MYOM2: variants seen among roughly 807,000 people sequenced by gnomAD.
The protein encoded by MYOM2 is myomesin-2.
In MYOM2, 254 loss-of-function variants were observed where a neutral mutation model predicts 187.6. That is an observed-to-expected ratio of 1.35 (90% CI 1.22 to 1.50). The LOEUF is 1.50. MYOM2 is among the 40% of genes most tolerant of loss of function. The pLI is 0.00. For synonymous variants in MYOM2, 981 were observed against 753.8 expected, an observed-to-expected ratio of 1.30 and a Z score of -4.94; for missense variants, 2,796 against 1,924.0, an observed-to-expected ratio of 1.45 and a Z score of -8.48.
Position 2,129,205 on chromosome 8 carries a change from A to G in MYOM2, c.3773A>G (p.Asp1258Gly). The change falls in exon 32 of 37, where the codon GAC becomes GGC. Residue 1258 changes from aspartate (D) to glycine (G), a missense_variant. By Grantham distance (94) the Asp-to-Gly change is moderately conservative. Transcript: ENST00000262113. ...CAGTGTTTCATGAAGTATTTTACAGACGAAATGAAAGTGAACTGGTGTCAC... is the reference window on the plus strand; with the variant it reads ...CAGTGTTTCATGAAGTATTTTACAGGCGAAATGAAAGTGAACTGGTGTCAC... Reference protein sequence around the residue: ...RLQCFMKYFTDEMKVNWCHKD... With the variant: ...RLQCFMKYFTGEMKVNWCHKD... 1 of 1,610,978 alleles carries G rather than the reference A, an allele frequency of 6.2e-7. No homozygotes were observed.
chr8:2,112,904 A>C (rs1797114267), intron 25 of MYOM2, among the ~76,000 whole-genome samples: 1 of 152,180 alleles, frequency 6.6e-6, no homozygotes, highest in Admixed American at 6.5e-5. Context: ...GGGCTGACGG[A>C]GTCTTCTCCC....
Position 2,085,269 on chromosome 8 carries a change from C to A in MYOM2, c.1523C>A (p.Ala508Asp), listed in dbSNP as rs1420260867. Residue 508 changes from alanine to aspartate, a missense_variant, in exon 14 of 37, where the codon GCC becomes GAC. Physicochemically the swap from Ala to Asp is moderately radical, Grantham distance 126 (BLOSUM62 -2). Coordinates refer to ENST00000262113, the MANE Select transcript of MYOM2 (RefSeq NM_003970.4). ...GAATTTATTATTCCTCCAGGTGACG[C>A]CCAGGTTCCAGGGCCTCCCACCGGT... ...AIYQDDLEGD[A>D]QVPGPPTGVH... is the part of the protein sequence containing the mutation. 1.2e-6 allele frequency: 2 copies of A among 1,613,924 alleles called. No individual in the cohort carries two copies. The highest frequency in any genetic ancestry group is 1.3e-5 in the African/African-American group (1 of 74,922).
chr8:2,138,771 C>T lies in MYOM2; in HGVS notation c.3801-1952C>T, dbSNP rs563070359. 9.9e-5 allele frequency among the ~76,000 whole-genome samples: 15 copies of T among 152,280 alleles called. No individual in the cohort carries two copies. In the South Asian group the frequency reaches 2.9e-3, roughly 29 times the overall value. On this transcript the variant is annotated intron_variant, in intron 32 of 36. Transcript: ENST00000262113. ...CTTCTTGGATTCTAAAACAACCGCA[C>T]ATGGGCAGTGTTAGATCCTCCCTTC...
At chr8:2,133,005 C>G (rs1321180080) in intron 32 of MYOM2, among the ~76,000 whole-genome samples, 1 of 152,140 alleles carries the variant, frequency 6.6e-6, no homozygotes, top group Admixed American at 6.5e-5. Context: ...TTGTCCTGGT[C>G]GTGGCTTTAG....
At chr8:2,053,194 G>A (rs1029008871) in intron 3 of MYOM2, among the ~76,000 whole-genome samples, 9 of 152,166 alleles carry the variant, frequency 5.9e-5, no homozygotes, top group Non-Finnish European at 1.3e-4. Flanking sequence ...GAAAGATGAA[G>A]TCATCTGTTG....
Position 2,144,720 on chromosome 8 carries a change from C to G in MYOM2, c.4137C>G (p.Phe1379Leu). The G allele has an allele frequency of 4.3e-6, 7 of 1,614,076 alleles. No individual in the cohort carries two copies. The highest frequency in any genetic ancestry group is 5.9e-6 in the Non-Finnish European group (7 of 1,180,022). Residue 1379 changes from phenylalanine to leucine, a missense_variant, in exon 37 of 37, where the codon TTC becomes TTG. By Grantham distance (22) the Phe-to-Leu change is conservative. Transcript: ENST00000262113. ...FGNPDPEVIW[F>L]KNDQDIQLSE... ...ACCCTGACCCCGAAGTGATTTGGTT[C>G]AAGAACGACCAGGACATCCAGCTCA...
At chr8:2,084,974 TG>T in intron 13 of MYOM2, 1 of 377,910 alleles carries the variant, frequency 2.6e-6, no homozygotes, top group Non-Finnish European at 4.8e-6. Flanking sequence ...TGGTTTCTTC[TG>T]GTAAATCCTT....
At chr8:2,051,377 G>A (rs746874036) in intron 2 of MYOM2, among the ~76,000 whole-genome samples, 8 of 152,118 alleles carry the variant, frequency 5.3e-5, no homozygotes, top group Non-Finnish European at 1.0e-4. Context: ...AGCTTCTCGG[G>A]GATGGCCTCA....
chr8:2,140,931 A>C, intron 33 of MYOM2, 45 bp downstream of exon 33: 1 of 1,551,484 alleles, frequency 6.4e-7, no homozygotes, highest in Non-Finnish European at 8.8e-7. Context: ...CTATTTAGAA[A>C]TCCATTTAGA....
intron 5 of MYOM2, among the ~76,000 whole-genome samples, chr8:2,058,948 G>A (rs1818761663): frequency 6.6e-6 from 1 of 152,254 alleles, no homozygotes; most frequent in East Asian, 1.9e-4. Context: ...CTGAGAGTCT[G>A]AACGAGGAAA....
chr8:2,071,154 T>G (rs1819201506), intron 8 of MYOM2, among the ~76,000 whole-genome samples: 1 of 151,690 alleles, frequency 6.6e-6, no homozygotes, highest in African/African-American at 2.4e-5. Context: ...TATTTTTTTA[T>G]TTTTATTTTT....
chr8:2,079,644 A>G (rs4389966), intron 13 of MYOM2, 31 bp downstream of exon 13: 23,013 of 1,609,078 alleles, frequency 0.014, 208 homozygotes, highest in Non-Finnish European at 0.016. Flanking sequence ...CCAGCTGCTC[A>G]GCCCCTGGGG....
Position 2,092,451 on chromosome 8 carries a change from A to C in MYOM2, c.1934A>C (p.Tyr645Ser). 6.2e-7 allele frequency: 1 copy of C among 1,614,156 alleles called. No homozygotes were observed. Among genetic ancestry groups the C allele is most frequent in the Non-Finnish European group, 8.5e-7 (1 of 1,180,024 alleles). Residue 645 changes from tyrosine to serine, a missense_variant, in exon 16 of 37, where the codon TAC becomes TCC. Tyr to Ser is a moderately radical substitution (Grantham distance 144). Coordinates refer to ENST00000262113, the MANE Select transcript of MYOM2 (RefSeq NM_003970.4). ...PKHEEDLLGY[Y>S]VDCCVAGTNL... ...CATGAGGAGGACCTGCTGGGCTACT[A>C]CGTGGACTGCTGTGTGGCCGGAACC...
chr8:2,078,432 A>T (rs888167056), intron 11 of MYOM2, among the ~76,000 whole-genome samples: 2 of 152,186 alleles, frequency 1.3e-5, no homozygotes, highest in African/African-American at 4.8e-5. Flanking sequence ...TAATTTTTTG[A>T]GGAGATTTTT....
chr8:2,046,976 C>T (rs747631485), intron 1 of MYOM2, among the ~76,000 whole-genome samples: 7 of 152,066 alleles, frequency 4.6e-5, no homozygotes, highest in Non-Finnish European at 1.0e-4. Flanking sequence ...ACTTTGTGAG[C>T]GCTGGTATGA....
intron 17 of MYOM2, 107 bp from the exon 18 acceptor site, chr8:2,096,140 G>A (rs751957149): frequency 7.7e-5 from 81 of 1,055,214 alleles, no homozygotes; most frequent in South Asian, 2.2e-4. Flanking sequence ...GTTCAGGCCC[G>A]TCTCCACGTT....
intron 34 of MYOM2, among the ~76,000 whole-genome samples, chr8:2,141,701 T>A (rs1336124136): frequency 6.6e-6 from 1 of 152,180 alleles, no homozygotes; most frequent in African/African-American, 2.4e-5. Context: ...AGGGTTGGTA[T>A]GTTTCTGGTC....
chr8:2,128,466 A>C (rs998237330), intron 31 of MYOM2, among the ~76,000 whole-genome samples: 2 of 152,236 alleles, frequency 1.3e-5, no homozygotes, highest in Non-Finnish European at 2.9e-5. Flanking sequence ...ATATCTGATA[A>C]CAATCTCTAC....
intron 1 of MYOM2, among the ~76,000 whole-genome samples, chr8:2,048,542 C>T (rs1249540717): frequency 6.6e-6 from 1 of 151,142 alleles, no homozygotes; most frequent in Non-Finnish European, 1.5e-5. Flanking sequence ...ATAACAGAGA[C>T]AGCAACCGAT....
Sources: allele counts gnomAD v4.1 joint callset (sites outside exome capture counted in the v4.1 genomes callset), GRCh38; gene constraint gnomAD v4.1.1; transcripts MANE v1.5; gene names NCBI Gene and HGNC (gene_info 2026-07-23, HGNC 2026-07-21).